ZKSCAN7: variants seen among roughly 807,000 people sequenced by gnomAD.
ZKSCAN7 encodes zinc finger protein with KRAB and SCAN domains 7.
A neutral mutation model predicts 65.3 loss-of-function variants in ZKSCAN7; 38 were observed. That is an observed-to-expected ratio of 0.58 (90% CI 0.45 to 0.76). The LOEUF (loss-of-function observed/expected upper bound fraction) is 0.76. ZKSCAN7 is among the 30% of genes least tolerant of loss of function. ZKSCAN7 has a pLI of 0.00. For synonymous variants in ZKSCAN7, 321 were observed against 321.0 expected (o/e 1.00, Z 0.00); for missense variants, 815 against 913.3 (o/e 0.89, Z 1.39).
At chr3:44,569,832 CT>C (rs1575373070) in intron 5 of ZKSCAN7, 89 bp from the exon 6 acceptor site, 4 of 1,439,352 alleles carry the variant, frequency 2.8e-6, no homozygotes, top group African/African-American at 1.4e-5. Flanking sequence ...CATAATGTGA[CT>C]TTTTTTCAGG....
chr3:44,565,460 A>T (rs1699602958), intron 2 of ZKSCAN7, 27 bp from the exon 3 acceptor site: 1 of 1,571,530 alleles, frequency 6.4e-7, no homozygotes, highest in African/African-American at 1.4e-5. Context: ...TGCTCTTTTG[A>T]ACCCAATTGT....
intron 5 of ZKSCAN7, among the ~76,000 whole-genome samples, chr3:44,581,623 T>C (rs770403267): frequency 2.6e-5 from 4 of 152,192 alleles, no homozygotes; most frequent in Non-Finnish European, 5.9e-5. Context: ...CGAAAAAAGG[T>C]ATCAGTAAAC....
At position 44,557,119 on chromosome 3, in the gene ZKSCAN7, C is replaced by T. The variant is rs764139007; in HGVS notation, c.72C>T (p.Arg24=). 1.9e-6 allele frequency: 3 copies of T among 1,614,240 alleles called. No individual in the cohort carries two copies. The Admixed American group carries it at 5.0e-5, about 27-fold the overall frequency. Residue 24 remains arginine, a synonymous_variant, in exon 2 of 6, where the codon CGC becomes CGT. Transcript: ENST00000426540. ...CTGCTTTCCAGAAGCAAGAGGGGCG[C>T]CTGACTGTGAAGCAGGAGCCAGCAA... The part of the protein sequence containing the change: ...RSTAFQKQEG[R]LTVKQEPANQ...
chr3:44,559,638 G>A (rs556684032), intron 2 of ZKSCAN7, among the ~76,000 whole-genome samples: 1 of 152,014 alleles, frequency 6.6e-6, no homozygotes, highest in Non-Finnish European at 1.5e-5. Context: ...TGTTGTCCAG[G>A]GTGGTCTTGA....
chr3:44,561,686 C>A (rs1699479818), intron 2 of ZKSCAN7, among the ~76,000 whole-genome samples: 1 of 152,050 alleles, frequency 6.6e-6, no homozygotes, highest in Admixed American at 6.5e-5. Context: ...AGAAATTGGC[C>A]AAAACAAAGG....
intron 5 of ZKSCAN7, among the ~76,000 whole-genome samples, chr3:44,579,643 C>G (rs914821327): frequency 1.3e-5 from 2 of 152,126 alleles, no homozygotes; most frequent in Admixed American, 1.3e-4. Context: ...ATGTCATGGC[C>G]GACGGGGTAA....
chr3:44,562,545 C>T (rs774845151), intron 2 of ZKSCAN7, among the ~76,000 whole-genome samples: 2 of 152,204 alleles, frequency 1.3e-5, no homozygotes, highest in Admixed American at 6.5e-5. Flanking sequence ...ACCACATGGC[C>T]GGGCTACAAA....
At chr3:44,581,067 TG>T in intron 5 of ZKSCAN7, 1 of 1,310,672 alleles carries the variant, frequency 7.6e-7, no homozygotes, top group Non-Finnish European at 9.8e-7. Flanking sequence ...CCGGCCGGCC[TG>T]GCGCTCCCGG....
chr3:44,583,236 T>C (rs1280549494), exon 6 of ZKSCAN7: 4 of 215,320 alleles, frequency 1.9e-5, no homozygotes, highest in African/African-American at 9.4e-5. Flanking sequence ...CCTATTCTTT[T>C]TAAGTTTCTT....
chr3:44,565,638 T>C lies in ZKSCAN7; in HGVS notation c.575T>C (p.Leu192Pro). ...EPPYDPGTHHLPSGDFAQCTS... is the reference protein window; with the variant it reads ...EPPYDPGTHHPPSGDFAQCTS... ...CCTTATGACCCAGGGACACACCACC[T>C]CCCCAGTGGGGACTTCGGTACTTAT... Residue 192 changes from leucine to proline, a missense_variant, in exon 3 of 6, where the codon CTC becomes CCC. Physicochemically the swap from Leu to Pro is moderately conservative, Grantham distance 98. Transcript: ENST00000426540. 6.2e-7 allele frequency: 1 copy of C among 1,601,592 alleles called. No individual in the cohort carries two copies. The highest frequency in any genetic ancestry group is 8.5e-7 in the Non-Finnish European group (1 of 1,174,702).
intron 3 of ZKSCAN7, among the ~76,000 whole-genome samples, chr3:44,567,685 G>A (rs1413070394): frequency 6.6e-6 from 1 of 152,130 alleles, no homozygotes; most frequent in African/African-American, 2.4e-5. Flanking sequence ...AAGTTGAAGA[G>A]AGTGAGGGCT....
At chr3:44,573,242 C>T (rs1272908862), downstream of ZKSCAN7, among the ~76,000 whole-genome samples, 1 of 152,208 alleles carries the variant, frequency 6.6e-6, no homozygotes, top group Non-Finnish European at 1.5e-5. Flanking sequence ...ATCTGGGGGA[C>T]GTTTGCCTCT....
Position 44,572,050 on chromosome 3 carries a change from T to A in ZKSCAN7, c.*675T>A. On this transcript the variant is annotated 3_prime_UTR_variant, in exon 6 of 6. Transcript: ENST00000426540. Reference sequence around the variant, plus strand: ...TTGTAAATTTTGCGTGTCTGTATACTTTTATACCAACTTATTGTAGGCTCT... The same window carrying A: ...TTGTAAATTTTGCGTGTCTGTATACATTTATACCAACTTATTGTAGGCTCT... The A allele has an allele frequency of 1.0e-6, 1 of 985,684 alleles. No homozygotes were observed. The highest frequency in any genetic ancestry group is 1.2e-6 in the Non-Finnish European group (1 of 830,082). 61.1% of individuals were successfully genotyped at this position (985,684 alleles called of 1,614,324 possible). A position where few individuals can be genotyped will look rare whatever the true frequency, so the allele number is the denominator to read the frequency against.
chr3:44,580,403 C>A, intron 5 of ZKSCAN7: 9 of 1,601,948 alleles, frequency 5.6e-6, no homozygotes, highest in Non-Finnish European at 7.7e-6. Context: ...CTGGCTGGTC[C>A]TTGGTCCTCA....
At chr3:44,578,412 G>A (rs199999867) in intron 5 of ZKSCAN7, 99 of 1,613,904 alleles carry the variant, frequency 6.1e-5, no homozygotes, top group Non-Finnish European at 7.6e-5. Context: ...GTCCGCAACC[G>A]TGTGATCTCT....
chr3:44,561,880 C>T (rs1699485006), intron 2 of ZKSCAN7, among the ~76,000 whole-genome samples: 1 of 152,218 alleles, frequency 6.6e-6, no homozygotes, highest in African/African-American at 2.4e-5. Flanking sequence ...TGGCTGCAGT[C>T]ACCAACTGAC....
chr3:44,578,288 A>C, intron 5 of ZKSCAN7: 1 of 1,581,110 alleles, frequency 6.3e-7, no homozygotes, highest in South Asian at 1.1e-5. Context: ...CTCCTGTTTC[A>C]GGTACTGTAT....
In ZKSCAN7 at chr3:44,568,417, T is replaced by C. The variant is rs1699697490; in HGVS notation, c.795T>C (p.His265=). Residue 265 remains histidine (H), a synonymous_variant, in exon 5 of 6, where the codon CAT becomes CAC. Transcript: ENST00000426540. ...GGAACATGATGCCAGAAAATCACCA[T>C]AGCATGGCCTCCTTGGGTAATGATT... ...LQWNMMPENH[H]SMASLAGENM... 2 of 1,613,882 alleles carry C rather than the reference T, an allele frequency of 1.2e-6. No individual in the cohort carries two copies. The highest frequency in any genetic ancestry group is 1.3e-5 in the African/African-American group (1 of 74,942).
In ZKSCAN7 at chr3:44,569,848, T is replaced by C. The variant is rs1699741743; in HGVS notation, c.812-74T>C. The C allele has an allele frequency of 2.5e-5, 37 of 1,464,882 alleles. 1 individual carries two copies. In the South Asian group the frequency reaches 6.2e-4, roughly 24 times the overall value. 90.7% of individuals were successfully genotyped at this position (1,464,882 alleles called of 1,614,324 possible). A position where few individuals can be genotyped will look rare whatever the true frequency, so the allele number is the denominator to read the frequency against. On this transcript the variant is annotated intron_variant, in intron 5 of 5. Coordinates refer to ENST00000426540, the MANE Select transcript of ZKSCAN7 (RefSeq NM_001288590.2). ...ATAATGTGACTTTTTTTCAGGTATG[T>C]TAGCTCTTAATGATTCTCTTTCTTA...
Sources: gnomAD v4.1 joint callset for allele counts (sites outside exome capture counted in the v4.1 genomes callset) on GRCh38, gnomAD v4.1.1 for gene constraint, MANE v1.5 for transcripts, NCBI Gene and HGNC (gene_info 2026-07-23, HGNC 2026-07-21) for gene names.